The following FRYL variants were observed in gnomAD, a reference collection of about 807,000 sequenced individuals.
The protein encoded by FRYL is protein furry homolog-like.
Under a neutral mutation model 351.2 loss-of-function variants are expected in FRYL, and 150 were observed. The observed-to-expected ratio is 0.43, with a 90% CI of 0.37 to 0.49. The LOEUF is 0.49. Ranked by LOEUF, FRYL falls within the 20% of genes least tolerant of loss-of-function variation. FRYL has a pLI of 0.00. For missense variants in FRYL, 3,036 were observed against 3,619.3 expected (o/e 0.84, Z 4.13); for synonymous variants, 1,153 against 1,257.1 (o/e 0.92, Z 1.75).
intron 30 of FRYL, among the ~76,000 whole-genome samples, chr4:48,564,611 A>G (rs1214207326): frequency 1.3e-5 from 2 of 152,208 alleles, no homozygotes; most frequent in African/African-American, 4.8e-5. Context: ...AACATAGCAA[A>G]TAACATATTT....
chr4:48,616,079 G>A (rs1287869524), intron 7 of FRYL, among the ~76,000 whole-genome samples: 1 of 152,090 alleles, frequency 6.6e-6, no homozygotes, highest in East Asian at 1.9e-4. Flanking sequence ...CGGGTGGGGA[G>A]CTAGGGGAGG....
chr4:48,625,378 T>C (rs1751577236), intron 4 of FRYL, among the ~76,000 whole-genome samples: 1 of 152,176 alleles, frequency 6.6e-6, no homozygotes, highest in African/African-American at 2.4e-5. Flanking sequence ...AATAAAACTT[T>C]GGGTCAGTAA....
chr4:48,527,295 T>A (rs1410894006), intron 53 of FRYL, among the ~76,000 whole-genome samples, 182 bp downstream of exon 53: 1 of 152,226 alleles, frequency 6.6e-6, no homozygotes, highest in African/African-American at 2.4e-5. Context: ...AAAAATGGAA[T>A]GTTTCTCTTT....
At chr4:48,593,666 TTTA>T (rs1459672293) in intron 16 of FRYL, among the ~76,000 whole-genome samples, 1 of 152,080 alleles carries the variant, frequency 6.6e-6, no homozygotes, top group East Asian at 1.9e-4. Context: ...GCCCGGCCTA[TTTA>T]TTATTTTCTA....
chr4:48,568,571 G>A (rs1737391969), intron 27 of FRYL, among the ~76,000 whole-genome samples: 1 of 151,812 alleles, frequency 6.6e-6, no homozygotes, highest in African/African-American at 2.4e-5. Flanking sequence ...TATTTTAAAG[G>A]TAATTTTTTT....
intron 3 of FRYL, among the ~76,000 whole-genome samples, chr4:48,678,572 AGCC>A (rs1764140255): frequency 2.0e-5 from 3 of 151,428 alleles, no homozygotes; most frequent in Non-Finnish European, 1.5e-5. Context: ...ACATTGGAAG[AGCC>A]AGACACTTTA....
intron 1 of FRYL, among the ~76,000 whole-genome samples, chr4:48,775,746 T>A (rs1775949283): frequency 6.6e-6 from 1 of 152,140 alleles, no homozygotes; most frequent in African/African-American, 2.4e-5. Context: ...GAAATTAAAG[T>A]ATGTACTCCA....
chr4:48,581,431 C>T lies in FRYL; in HGVS notation c.2161G>A (p.Glu721Lys). The T allele has an allele frequency of 3.1e-6, 5 of 1,605,372 alleles. No homozygotes were observed. The highest frequency in any genetic ancestry group is 3.4e-6 in the Non-Finnish European group (4 of 1,177,254). ...TACCTAAATCTTACCTTAGGTATTT[C>T]CAGAAGTGCAAATAAAGCCCGTATT... ...REIRALFALLEIPKGDDELAI... is the reference protein window; with the variant it reads ...REIRALFALLKIPKGDDELAI... The change falls in exon 21 of 64, where the codon GAA (glutamate) becomes AAA (lysine). Residue 721 changes from glutamate to lysine, a missense_variant. Glu to Lys is a moderately conservative substitution (Grantham distance 56, BLOSUM62 1). Around this residue, in one of 7 missense-constraint regions of FRYL, gnomAD observed 492 missense variants for 551.5 expected, o/e 0.89. Transcript: ENST00000358350.
At chr4:48,748,626 A>G (rs1468161615) in intron 1 of FRYL, among the ~76,000 whole-genome samples, 2 of 152,174 alleles carry the variant, frequency 1.3e-5, no homozygotes, top group Non-Finnish European at 2.9e-5. Flanking sequence ...ATCTTGTTTA[A>G]GCCACATAAA....
intron 3 of FRYL, among the ~76,000 whole-genome samples, chr4:48,678,280 G>C (rs1488273140): frequency 4.0e-5 from 6 of 151,604 alleles, no homozygotes; most frequent in Non-Finnish European, 7.4e-5. Context: ...AGGAAAAAAT[G>C]GTTGAAAAAA....
chr4:48,612,505 T>G (rs1168148707), intron 7 of FRYL, among the ~76,000 whole-genome samples: 2 of 151,744 alleles, frequency 1.3e-5, no homozygotes, highest in African/African-American at 4.8e-5. Flanking sequence ...CACGTGTGTG[T>G]GTGTGTGTGT....
At chr4:48,559,306 G>A in intron 33 of FRYL, among the ~76,000 whole-genome samples, 1 of 151,708 alleles carries the variant, frequency 6.6e-6, no homozygotes, top group Non-Finnish European at 1.5e-5. Flanking sequence ...GAGTCTGTCT[G>A]TGGGTATAGG....
intron 17 of FRYL, 140 bp from the exon 18 acceptor site, chr4:48,590,017 T>C (rs1251213201): frequency 4.4e-6 from 3 of 677,262 alleles, no homozygotes; most frequent in Admixed American, 2.8e-5. Context: ...CATATTCTTC[T>C]CCCTGATGAT....
At chr4:48,762,189 C>T (rs1172872631) in intron 1 of FRYL, among the ~76,000 whole-genome samples, 1 of 152,152 alleles carries the variant, frequency 6.6e-6, no homozygotes, top group African/African-American at 2.4e-5. Context: ...TGTTTATGAA[C>T]CATGAAGTCT....
chr4:48,592,856 T>A (rs889829016), intron 16 of FRYL, among the ~76,000 whole-genome samples: 7 of 152,172 alleles, frequency 4.6e-5, no homozygotes, highest in Admixed American at 6.5e-5. Context: ...TTCCAACTCA[T>A]TTGTTAACCA....
intron 57 of FRYL, among the ~76,000 whole-genome samples, chr4:48,511,970 C>T (rs895387432): frequency 2.0e-5 from 3 of 152,116 alleles, no homozygotes; most frequent in African/African-American, 2.4e-5. Context: ...GAACACTTAC[C>T]GTAAAGCCCT....
intron 26 of FRYL, 50 bp downstream of exon 26, chr4:48,573,136 T>C (rs1370891443): frequency 5.8e-6 from 8 of 1,373,176 alleles, no homozygotes; most frequent in East Asian, 2.3e-5. Flanking sequence ...CATGTAAATA[T>C]GGCAGAAAAA....
chr4:48,720,988 C>T (rs1321958095), intron 1 of FRYL, among the ~76,000 whole-genome samples: 2 of 152,184 alleles, frequency 1.3e-5, no homozygotes, highest in Non-Finnish European at 2.9e-5. Context: ...CTGCTAGGTG[C>T]ATTTCACACA....
chr4:48,657,956 A>G (rs1156759190), intron 3 of FRYL, among the ~76,000 whole-genome samples: 1 of 152,178 alleles, frequency 6.6e-6, no homozygotes, highest in Admixed American at 6.5e-5. Flanking sequence ...CTCTATGCCC[A>G]TTTAACTGGC....
Sources: gnomAD v4.1 joint callset for allele counts (sites outside exome capture counted in the v4.1 genomes callset) on GRCh38, gnomAD v4.1.1 for gene constraint, gnomAD v4.1.1 regional missense constraint, MANE v1.5 for transcripts, NCBI Gene and HGNC (gene_info 2026-07-23, HGNC 2026-07-21) for gene names.